The following TMCO4 variants were observed in gnomAD, a reference collection of about 807,000 sequenced individuals.
TMCO4 encodes transmembrane and coiled-coil domains 4.
TMCO4 carries 58 observed loss-of-function variants against 64.7 expected under a neutral mutation model. That is an observed-to-expected ratio of 0.90 (90% confidence interval 0.73 to 1.12). The LOEUF is 1.12. Ranked by LOEUF, TMCO4 falls within the 50% of genes most tolerant of loss-of-function variation. The pLI, the probability that TMCO4 is intolerant of heterozygous loss-of-function variation, is 0.00. For synonymous variants in TMCO4, 325 were observed against 346.1 expected (o/e 0.94, Z 0.68); for missense variants, 780 against 825.9 (o/e 0.94, Z 0.68).
chr1:19,684,853 G>C (rs1177908853), intron 15 of TMCO4, among the ~76,000 whole-genome samples: 1 of 152,132 alleles, frequency 6.6e-6, no homozygotes, highest in Non-Finnish European at 1.5e-5. Flanking sequence ...CTGCTGGCTG[G>C]AATTCAGACG....
intron 15 of TMCO4, among the ~76,000 whole-genome samples, chr1:19,685,738 G>A (rs547481330): frequency 1.4e-4 from 7 of 48,854 alleles, no homozygotes; most frequent in African/African-American, 3.7e-4. Context: ...TTTTGAGACA[G>A]AGTCTCGCTC....
At chr1:19,776,411 C>T (rs568751931) in intron 4 of TMCO4, among the ~76,000 whole-genome samples, 3 of 152,280 alleles carry the variant, frequency 2.0e-5, no homozygotes, top group African/African-American at 7.2e-5. Flanking sequence ...TAACTCGCTG[C>T]CTTATGTGCC....
intron 11 of TMCO4, among the ~76,000 whole-genome samples, chr1:19,740,296 A>T (rs1359609498): frequency 1.3e-5 from 2 of 152,158 alleles, no homozygotes; most frequent in Non-Finnish European, 2.9e-5. Context: ...TTTGCCAAAG[A>T]CATTAATAGA....
At chr1:19,709,793 TC>T (rs1382741000) in intron 13 of TMCO4, among the ~76,000 whole-genome samples, 2 of 151,720 alleles carry the variant, frequency 1.3e-5, no homozygotes, top group African/African-American at 4.8e-5. Flanking sequence ...TTCTTTTCTT[TC>T]TTTTTTTTTT....
chr1:19,745,824 T>A (rs1358491168), intron 9 of TMCO4, among the ~76,000 whole-genome samples, 173 bp from the exon 10 acceptor site: 1 of 152,178 alleles, frequency 6.6e-6, no homozygotes, highest in African/African-American at 2.4e-5. Context: ...TTGTCCCTGA[T>A]TACAGACGAA....
At chr1:19,788,099 C>G (rs1571048061) in intron 2 of TMCO4, among the ~76,000 whole-genome samples, 1 of 152,146 alleles carries the variant, frequency 6.6e-6, no homozygotes, top group Non-Finnish European at 1.5e-5. Flanking sequence ...TACTTTTTAC[C>G]TCTTTAAGCT....
Position 19,732,487 on chromosome 1 carries a change from T to G in TMCO4, c.1264+4885A>C, listed in dbSNP as rs1355927363. On this transcript the variant is annotated intron_variant, in intron 13 of 15. Coordinates refer to ENST00000294543, the MANE Select transcript of TMCO4 (RefSeq NM_181719.7). The surrounding 1 kb of genome is among the most constrained non-coding windows in gnomAD (Gnocchi z 4.8). ...GGCCTCAGTGTGTTCTTGACCAAAG[T>G]CAAGGCACAGGATGACCAGCGTCCT... Among the ~76,000 whole-genome samples the G allele has an allele frequency of 6.6e-6, 1 of 152,104 alleles. No homozygotes were observed. Among genetic ancestry groups the G allele is most frequent in the East Asian group, 1.9e-4 (1 of 5,188 alleles).
In TMCO4 at chr1:19,749,721, A is replaced by T. The variant is rs529476953; in HGVS notation, c.516-2461T>A. ...GGAAAGTGATTCATCTTCTTTCTCTATGCCCCAAAACCAGCGATAATCTAG... is the reference window on the plus strand; with the variant it reads ...GGAAAGTGATTCATCTTCTTTCTCTTTGCCCCAAAACCAGCGATAATCTAG... On this transcript the variant is annotated intron_variant, in intron 7 of 15. Coordinates refer to ENST00000294543, the MANE Select transcript of TMCO4 (RefSeq NM_181719.7). Among the ~76,000 whole-genome samples the T allele has an allele frequency of 4.6e-5, 7 of 152,326 alleles. No homozygotes were observed. The South Asian group carries it at 1.4e-3, about 32-fold the overall frequency.
At chr1:19,714,453 TCAGAC>T (rs1467650375) in intron 13 of TMCO4, among the ~76,000 whole-genome samples, 1 of 152,222 alleles carries the variant, frequency 6.6e-6, no homozygotes, top group African/African-American at 2.4e-5. Flanking sequence ...GAGGGCTTCT[TCAGAC>T]CATTCTGCTG....
intron 3 of TMCO4, among the ~76,000 whole-genome samples, chr1:19,785,038 C>A: frequency 6.6e-6 from 1 of 152,268 alleles, no homozygotes; most frequent in Middle Eastern, 3.4e-3. Flanking sequence ...CATGTCCCCA[C>A]ACCGGTCTTG....
At chr1:19,733,841 ACTGCCTGC>A in intron 13 of TMCO4, among the ~76,000 whole-genome samples, 1 of 151,966 alleles carries the variant, frequency 6.6e-6, no homozygotes, top group East Asian at 1.9e-4. Context: ...CTCCAGCCAG[ACTGCCTGC>A]TCTGCCACCT....
At chr1:19,776,956 G>A (rs1445944415) in intron 4 of TMCO4, among the ~76,000 whole-genome samples, 1 of 149,888 alleles carries the variant, frequency 6.7e-6, no homozygotes, top group Non-Finnish European at 1.5e-5. Context: ...GAATCCAGGA[G>A]GCAGAGGTTG....
chr1:19,731,625 G>A (rs191486617), intron 13 of TMCO4, among the ~76,000 whole-genome samples: 13 of 152,336 alleles, frequency 8.5e-5, no homozygotes, highest in Admixed American at 7.8e-4. Flanking sequence ...ACCTTGCCGC[G>A]TCCTGCAAGC....
rs191337296 is a variant in TMCO4 at position 19,703,230 on chromosome 1, T to G, written c.1265-2345A>C. On this transcript the variant is annotated intron_variant, in intron 13 of 15. Transcript: ENST00000294543. ...AATCCCAGCTTAGCCACTTCCGAGCTATGTGACTTGAACCAAATCATGTAA... is the reference window on the plus strand; with the variant it reads ...AATCCCAGCTTAGCCACTTCCGAGCGATGTGACTTGAACCAAATCATGTAA... Among the ~76,000 whole-genome samples, 254 of 152,362 alleles carry G rather than the reference T, an allele frequency of 1.7e-3. 1 individual carries two copies. The highest frequency in any genetic ancestry group is 3.7e-3 in the Admixed American group (56 of 15,306).
rs746825751 is a variant in TMCO4, at chr1:19,740,839, G to A, written c.980C>T (p.Thr327Ile). The A allele has an allele frequency of 6.8e-6, 11 of 1,614,122 alleles. No individual in the cohort carries two copies. The South Asian group carries it at 1.1e-4, about 16-fold the overall frequency. ...CATGTTGGCGAGACCACTGAGGATG[G>A]TCTCCAGGGCATTGCCGAGCTCCAT... ...YLMELGNALETILSGLANMVA... is the reference protein window; with the variant it reads ...YLMELGNALEIILSGLANMVA... Residue 327 changes from threonine to isoleucine, a missense_variant, in exon 11 of 16, where the codon ACC (threonine) becomes ATC (isoleucine). Physicochemically the swap from Thr to Ile is moderately conservative, Grantham distance 89. Transcript: ENST00000294543.
At chr1:19,692,441 T>C (rs763359596) in intron 15 of TMCO4, among the ~76,000 whole-genome samples, 18 of 152,044 alleles carry the variant, frequency 1.2e-4, no homozygotes, top group Admixed American at 2.6e-4. Context: ...GTAAAAGGCT[T>C]AGGGCAGGCC....
intron 14 of TMCO4, among the ~76,000 whole-genome samples, chr1:19,699,514 T>TATATATATATA (rs1557469801): frequency 1.4e-5 from 2 of 146,082 alleles, no homozygotes; most frequent in African/African-American, 5.1e-5. Flanking sequence ...TATATATATA[T>TATATATATATA]TGAGATGGAG....
Position 19,682,465 on chromosome 1 carries a change from A to C in TMCO4, c.*575T>G. ...TCATGTCCCTGGAGTTATGCAGCGC[A>C]CAGCCTACATGGCTGTACAGGGCAG... is the stretch of plus-strand genomic sequence containing the variant. On this transcript the variant is annotated 3_prime_UTR_variant, in exon 16 of 16. Coordinates refer to ENST00000294543, the MANE Select transcript of TMCO4 (RefSeq NM_181719.7). 1.6e-6 allele frequency: 1 copy of C among 613,628 alleles called. No individual in the cohort carries two copies. The highest frequency in any genetic ancestry group is 1.9e-5 in the South Asian group (1 of 52,604). 38.0% of individuals were successfully genotyped at this position (613,628 alleles called of 1,614,324 possible). A position where few individuals can be genotyped will look rare whatever the true frequency, so the allele number is the denominator to read the frequency against.
intron 4 of TMCO4, among the ~76,000 whole-genome samples, chr1:19,773,937 CT>C (rs970989728): frequency 1.1e-4 from 16 of 152,162 alleles, no homozygotes; most frequent in African/African-American, 3.4e-4. Flanking sequence ...TGGAAATTGG[CT>C]TTGTGTCCTC....
Sources: gnomAD v4.1 joint callset for allele counts (sites outside exome capture counted in the v4.1 genomes callset) on GRCh38, gnomAD v4.1.1 for gene constraint, Gnocchi (gnomAD v3.1) non-coding constraint, MANE v1.5 for transcripts, NCBI Gene and HGNC (gene_info 2026-07-23, HGNC 2026-07-21) for gene names.